Variants in TTLL3 observed in about 807,000 individuals in gnomAD.
The protein encoded by TTLL3 is tubulin monoglycylase TTLL3.
In TTLL3, 63 loss-of-function variants were observed where a neutral mutation model predicts 75.2. That is an observed-to-expected ratio of 0.84 (90% CI 0.68 to 1.03). TTLL3 has a LOEUF of 1.03. TTLL3 is among the 50% of genes least tolerant of loss of function. TTLL3 has a pLI of 0.00. For synonymous variants in TTLL3, 393 were observed against 418.5 expected (o/e 0.94, Z 0.74); for missense variants, 997 against 1,069.9 (o/e 0.93, Z 0.95).
intron 2 of TTLL3, among the ~76,000 whole-genome samples, chr3:9,812,055 T>C (rs565209230): frequency 1.2e-4 from 18 of 152,180 alleles, no homozygotes; most frequent in Non-Finnish European, 2.2e-4. Context: ...GCCCGTAAAA[T>C]GGAGATAACA....
chr3:9,829,472 C>A, intron 11 of TTLL3, 77 bp downstream of exon 11: 1 of 1,493,312 alleles, frequency 6.7e-7, no homozygotes, highest in Non-Finnish European at 8.9e-7. Context: ...GAGCATAGGA[C>A]TCTGCAGTCA....
At chr3:9,827,430 T>G in intron 10 of TTLL3, 190 bp downstream of exon 10, 1 of 1,045,780 alleles carries the variant, frequency 9.6e-7, no homozygotes, top group Non-Finnish European at 1.3e-6. Flanking sequence ...CAGGGGGCGG[T>G]CTCACTCTGT....
Position 9,810,644 on chromosome 3 carries a change from TC to T in TTLL3, c.-16del. On this transcript the variant is annotated 5_prime_UTR_variant, in exon 2 of 14. Transcript: ENST00000685419. The surrounding 1 kb of genome is among the most constrained non-coding windows in gnomAD (Gnocchi z 4.4). ...AGGTTTCCCGGTCCTCTGGCGAGGATCCTCCAAGGCGTCTCACATGAACCGG... is the reference window on the plus strand; with the variant it reads ...AGGTTTCCCGGTCCTCTGGCGAGGATCTCCAAGGCGTCTCACATGAACCGG... 1 of 1,576,568 alleles carries T rather than the reference TC, an allele frequency of 6.3e-7. No homozygotes were observed. Among genetic ancestry groups the T allele is most frequent in the Non-Finnish European group, 8.6e-7 (1 of 1,160,992 alleles).
At chr3:9,823,820 T>A (rs2080755549) in intron 8 of TTLL3, among the ~76,000 whole-genome samples, 1 of 152,222 alleles carries the variant, frequency 6.6e-6, no homozygotes, top group South Asian at 2.1e-4. Context: ...GAGGCTCCCG[T>A]CCTATTCAGT....
chr3:9,818,814 G>T lies in TTLL3; in HGVS notation c.560-8G>T, dbSNP rs780384074. 4.3e-6 allele frequency: 7 copies of T among 1,614,072 alleles called. No individual in the cohort carries two copies. The highest frequency in any genetic ancestry group is 5.1e-6 in the Non-Finnish European group (6 of 1,180,018). On this transcript the variant is annotated splice_region_variant and splice_polypyrimidine_tract_variant and intron_variant, in intron 6 of 13. Coordinates refer to ENST00000685419, the MANE Select transcript of TTLL3 (RefSeq NM_001387446.1). ...GGCTGAGCAGGGTATCCCCTGGCCT[G>T]GGAGCAGAGGACTTCTGGCTGACTG...
At chr3:9,822,981 T>G (rs1460193989) in intron 8 of TTLL3, among the ~76,000 whole-genome samples, 1 of 151,070 alleles carries the variant, frequency 6.6e-6, no homozygotes, top group Non-Finnish European at 1.5e-5. Flanking sequence ...GGCGGTGGCT[T>G]ATGCCTATAA....
intron 8 of TTLL3, among the ~76,000 whole-genome samples, chr3:9,821,263 G>C (rs901069402): frequency 3.3e-5 from 5 of 152,232 alleles, no homozygotes; most frequent in African/African-American, 1.2e-4. Context: ...GGTGGGGAAA[G>C]GGAGGATCAA....
intron 2 of TTLL3, 137 bp from the exon 3 acceptor site, chr3:9,812,806 A>T: frequency 1.0e-6 from 1 of 986,182 alleles, no homozygotes; most frequent in Non-Finnish European, 1.4e-6. Context: ...ACTTATTTAT[A>T]GTCTGTTTAT....
At chr3:9,826,123 C>G (rs2081015502) in intron 9 of TTLL3, among the ~76,000 whole-genome samples, 175 bp downstream of exon 9, 1 of 152,230 alleles carries the variant, frequency 6.6e-6, no homozygotes, top group South Asian at 2.1e-4. Flanking sequence ...CCCTGAACCT[C>G]AGTTCCCTCA....
intron 11 of TTLL3, among the ~76,000 whole-genome samples, chr3:9,831,086 C>G (rs2081482864): frequency 6.6e-6 from 1 of 152,220 alleles, no homozygotes; most frequent in Admixed American, 6.5e-5. Context: ...CTGGCATGAG[C>G]CACCGCGCCA....
Position 9,835,250 on chromosome 3 carries a change from A to G in TTLL3, c.2209A>G (p.Met737Val). The change falls in exon 14 of 14, where the codon ATG becomes GTG. Residue 737 changes from methionine (M) to valine (V), a missense_variant. Physicochemically the swap from Met to Val is conservative, Grantham distance 21. Transcript: ENST00000685419. ...CDKPRAEACP[M>V]KRLSPLKPLP... ...CAAACCCAGGGCTGAGGCCTGCCCC[A>G]TGAAGAGGCTGAGCCCCCTGAAACC... 1 of 1,614,200 alleles carries G rather than the reference A, an allele frequency of 6.2e-7. No homozygotes were observed. The highest frequency in any genetic ancestry group is 2.2e-5 in the East Asian group (1 of 44,892).
intron 10 of TTLL3, 144 bp from the exon 11 acceptor site, chr3:9,828,816 T>G: frequency 9.5e-7 from 1 of 1,057,264 alleles, no homozygotes; most frequent in Non-Finnish European, 1.3e-6. Context: ...GCCTCTGTCC[T>G]TTTTGTCCTT....
chr3:9,826,871 A>C, intron 9 of TTLL3, 126 bp from the exon 10 acceptor site: 1 of 1,501,348 alleles, frequency 6.7e-7, no homozygotes, highest in Non-Finnish European at 8.9e-7. Flanking sequence ...CTGGGTTCTG[A>C]TTGAGGGAGA....
At position 9,820,572 on chromosome 3, in the gene TTLL3, A is replaced by G. The variant is rs1445112249; in HGVS notation, c.685A>G (p.Lys229Glu). The G allele has an allele frequency of 6.8e-6, 11 of 1,614,034 alleles. No homozygotes were observed. The highest frequency in any genetic ancestry group is 8.5e-6 in the Non-Finnish European group (10 of 1,179,990). ...SGDKQPKKQEKNPVLVSPEFV... is the reference protein window; with the variant it reads ...SGDKQPKKQEENPVLVSPEFV... ...AGACAAGCAGCCCAAGAAACAGGAG[A>G]AAAACCCAGTGTTGGTGTCCCCAGA... Residue 229 changes from lysine (K) to glutamate (E), a missense_variant, in exon 8 of 14, where the codon AAA (lysine) becomes GAA (glutamate). Physicochemically the swap from Lys to Glu is moderately conservative, Grantham distance 56. Transcript: ENST00000685419.
In TTLL3 at chr3:9,813,356, T is replaced by C; in HGVS notation, c.315+11T>C. ...ACACATGCTCTGATGGTGAGGGCCC[T>C]GGGGGCCAAGATGATACAGGGACTG... On this transcript the variant is annotated intron_variant, in intron 4 of 13. Coordinates refer to ENST00000685419, the MANE Select transcript of TTLL3 (RefSeq NM_001387446.1). 1 of 1,613,708 alleles carries C rather than the reference T, an allele frequency of 6.2e-7. No homozygotes were observed. Among genetic ancestry groups the C allele is most frequent in the Non-Finnish European group, 8.5e-7 (1 of 1,179,904 alleles).
At position 9,834,880 on chromosome 3, in the gene TTLL3, G is replaced by A; in HGVS notation, c.2025G>A (p.Val675=). The stretch of plus-strand genomic sequence containing the variant: ...TCCCACCGAACCTTGATTTCAAGGT[G>A]GCACCCAGCATCCTGAAGCCAAGAA... ...ISLPPNLDFK[V]APSILKPRKA... is the part of the protein sequence containing the mutation. The change falls in exon 13 of 14, where the codon GTG becomes GTA. Residue 675 remains valine, a synonymous_variant. Coordinates refer to ENST00000685419, the MANE Select transcript of TTLL3 (RefSeq NM_001387446.1). 1 of 1,614,216 alleles carries A rather than the reference G, an allele frequency of 6.2e-7. No individual in the cohort carries two copies. Among genetic ancestry groups the A allele is most frequent in the Non-Finnish European group, 8.5e-7 (1 of 1,180,050 alleles).
chr3:9,811,278 A>G (rs1408077155), intron 2 of TTLL3, among the ~76,000 whole-genome samples: 3 of 152,162 alleles, frequency 2.0e-5, no homozygotes, highest in Non-Finnish European at 4.4e-5. Flanking sequence ...ATCTACACCC[A>G]GAAAACTTAA....
intron 8 of TTLL3, among the ~76,000 whole-genome samples, chr3:9,824,812 C>A (rs1188311305): frequency 1.4e-5 from 2 of 143,276 alleles, no homozygotes; most frequent in African/African-American, 5.2e-5. Flanking sequence ...ACGATCTCGG[C>A]TCACTGCAAC....
At position 9,820,442 on chromosome 3, in the gene TTLL3, C is replaced by T. The variant is rs1159934882; in HGVS notation, c.659-104C>T. On this transcript the variant is annotated intron_variant, in intron 7 of 13. Coordinates refer to ENST00000685419, the MANE Select transcript of TTLL3 (RefSeq NM_001387446.1). ...AGTAGGGGATCTATCTAGGTTCGTG[C>T]TGGGCCTCAGGTAAGTGACAGGCCT... is the stretch of plus-strand genomic sequence containing the variant. 6 of 1,555,396 alleles carry T rather than the reference C, an allele frequency of 3.9e-6. No homozygotes were observed. The African/African-American group carries it at 8.2e-5, about 21-fold the overall frequency.
Sources: gnomAD v4.1 joint callset for allele counts (sites outside exome capture counted in the v4.1 genomes callset) on GRCh38, gnomAD v4.1.1 for gene constraint, Gnocchi (gnomAD v3.1) non-coding constraint, MANE v1.5 for transcripts, NCBI Gene and HGNC (gene_info 2026-07-23, HGNC 2026-07-21) for gene names.